The following RASGRP3 variants were observed in gnomAD, a reference collection of about 807,000 sequenced individuals.
RASGRP3 encodes the protein ras guanyl-releasing protein 3.
Under a neutral mutation model 82.7 loss-of-function variants are expected in RASGRP3, and 54 were observed. That is an observed-to-expected ratio of 0.65 (90% CI 0.52 to 0.82). The LOEUF is 0.82. Ranked by LOEUF, RASGRP3 falls within the 40% of genes least tolerant of loss-of-function variation. The pLI, the probability that RASGRP3 is intolerant of heterozygous loss-of-function variation, is 0.00. For synonymous variants in RASGRP3, 309 were observed against 300.5 expected, an observed-to-expected ratio of 1.03 and a Z score of -0.29; for missense variants, 861 against 828.9, an observed-to-expected ratio of 1.04 and a Z score of -0.48.
intron 3 of RASGRP3, 112 bp downstream of exon 3, chr2:33,515,318 T>C: frequency 8.6e-7 from 1 of 1,169,214 alleles, no homozygotes; most frequent in Admixed American, 1.8e-5. Context: ...CCTTGGTATT[T>C]AAGGCCTTTC....
Position 33,523,918 on chromosome 2 carries a change from G to A in RASGRP3, c.556G>A (p.Glu186Lys), listed in dbSNP as rs1672276333. 6.2e-7 allele frequency: 1 copy of A among 1,613,442 alleles called. No individual in the cohort carries two copies. The highest frequency in any genetic ancestry group is 8.5e-7 in the Non-Finnish European group (1 of 1,179,646). ...YQSYVIHGCL[E>K]NNPTLERSIA... ...AAGCTATGTCATCCATGGCTGCCTGGAGAATAATCCAACCTTGGAAAGATC... is the reference window on the plus strand; with the variant it reads ...AAGCTATGTCATCCATGGCTGCCTGAAGAATAATCCAACCTTGGAAAGATC... The change falls in exon 8 of 18, where the codon GAG becomes AAG. Residue 186 changes from glutamate to lysine, a missense_variant. By Grantham distance (56) the Glu-to-Lys change is moderately conservative. Transcript: ENST00000403687.
At chr2:33,495,352 A>G (rs1226964453) in intron 1 of RASGRP3, among the ~76,000 whole-genome samples, 1 of 152,162 alleles carries the variant, frequency 6.6e-6, no homozygotes, top group Non-Finnish European at 1.5e-5. Context: ...GGAGCATATA[A>G]CTTAGATTCA....
intron 2 of RASGRP3, among the ~76,000 whole-genome samples, chr2:33,454,053 A>G (rs2150888600): frequency 6.6e-6 from 1 of 152,236 alleles, no homozygotes; most frequent in South Asian, 2.1e-4. Context: ...TTTAAGTAAA[A>G]GTTATTTTTT....
At chr2:33,529,795 T>C (rs550865217) in intron 10 of RASGRP3, among the ~76,000 whole-genome samples, 3 of 152,216 alleles carry the variant, frequency 2.0e-5, no homozygotes, top group African/African-American at 7.2e-5. Flanking sequence ...TGTGAGGTCT[T>C]TTCCAGCTCT....
intron 1 of RASGRP3, chr2:33,447,807 C>A (rs931962541): frequency 6.6e-6 from 1 of 152,168 alleles, no homozygotes; most frequent in African/African-American, 2.4e-5. Flanking sequence ...CTCTCAATTT[C>A]TTTTGTTTCT....
intron 2 of RASGRP3, among the ~76,000 whole-genome samples, chr2:33,453,053 T>A (rs1442279990): frequency 2.0e-5 from 3 of 152,154 alleles, no homozygotes; most frequent in Non-Finnish European, 1.5e-5. Context: ...TGTGCACCCC[T>A]TGGGGGAGGG....
At chr2:33,475,150 T>C (rs1667281668), upstream of RASGRP3, among the ~76,000 whole-genome samples, 1 of 152,394 alleles carries the variant, frequency 6.6e-6, no homozygotes, top group South Asian at 2.1e-4. Flanking sequence ...AATGTGTATT[T>C]TATGCATTGC....
chr2:33,439,187 C>G (rs914105956), intron 1 of RASGRP3, among the ~76,000 whole-genome samples: 2 of 152,128 alleles, frequency 1.3e-5, no homozygotes, highest in African/African-American at 4.8e-5. Flanking sequence ...TTCTAACTTA[C>G]AATATAATCT....
chr2:33,497,249 T>C (rs1669411666), intron 1 of RASGRP3, among the ~76,000 whole-genome samples: 1 of 152,340 alleles, frequency 6.6e-6, no homozygotes, highest in East Asian at 1.9e-4. Flanking sequence ...ACATGCTCTG[T>C]TTCCTGAACT....
chr2:33,481,576 G>T (rs1207733344), intron 1 of RASGRP3: 2 of 152,184 alleles, frequency 1.3e-5, no homozygotes, highest in Non-Finnish European at 2.9e-5. Flanking sequence ...ATTCTCTTCA[G>T]ATAGGCAAAG....
intron 1 of RASGRP3, among the ~76,000 whole-genome samples, chr2:33,437,827 TAAA>T (rs371168349): frequency 6.9e-6 from 1 of 145,966 alleles, no homozygotes; most frequent in Admixed American, 6.8e-5. Context: ...CTTAAGTGGT[TAAA>T]AAAAAAAAGA....
intron 1 of RASGRP3, among the ~76,000 whole-genome samples, chr2:33,440,999 C>T (rs919859341): frequency 5.9e-5 from 9 of 152,078 alleles, no homozygotes; most frequent in Admixed American, 2.6e-4. Context: ...CTCAAGTGAT[C>T]CTTGTGCCTC....
chr2:33,523,747 C>T, intron 7 of RASGRP3, 132 bp from the exon 8 acceptor site: 1 of 962,870 alleles, frequency 1.0e-6, no homozygotes, highest in Non-Finnish European at 1.5e-6. Flanking sequence ...TTTTAGGATG[C>T]CATTGTAAAT....
At position 33,520,584 on chromosome 2, in the gene RASGRP3, A is replaced by T; in HGVS notation, c.268A>T (p.Asn90Tyr). Residue 90 changes from asparagine to tyrosine, a missense_variant, in exon 6 of 18, where the codon AAT becomes TAT. Asn to Tyr is a moderately radical substitution (Grantham distance 143, BLOSUM62 -2). Coordinates refer to ENST00000403687, the MANE Select transcript of RASGRP3 (RefSeq NM_001139488.2). ...GATTCTGAAGTTTCCTGCAGAGTTT[A>T]ATTTGGATCTTGGTTTGATTCGTAT... ...YWILKFPAEF[N>Y]LDLGLIRMTE... 1 of 1,614,000 alleles carries T rather than the reference A, an allele frequency of 6.2e-7. No homozygotes were observed. The highest frequency in any genetic ancestry group is 8.5e-7 in the Non-Finnish European group (1 of 1,179,880).
intron 2 of RASGRP3, among the ~76,000 whole-genome samples, chr2:33,462,056 G>T (rs1353097917): frequency 6.6e-6 from 1 of 152,206 alleles, no homozygotes; most frequent in Non-Finnish European, 1.5e-5. Context: ...CTGGAACATT[G>T]ACATTGTTTA....
At chr2:33,494,136 G>T (rs1352184991) in intron 1 of RASGRP3, among the ~76,000 whole-genome samples, 1 of 152,110 alleles carries the variant, frequency 6.6e-6, no homozygotes, top group Non-Finnish European at 1.5e-5. Context: ...CTCCTTTATA[G>T]AATGAGGTAG....
chr2:33,447,718 C>T (rs112812089), intron 1 of RASGRP3: 45 of 152,418 alleles, frequency 3.0e-4, no homozygotes, highest in African/African-American at 8.7e-4. Context: ...AGCCACCGCA[C>T]CCGGCCCATG....
chr2:33,467,455 A>T (rs1470804085), intron 2 of RASGRP3, among the ~76,000 whole-genome samples: 1 of 152,216 alleles, frequency 6.6e-6, no homozygotes, highest in African/African-American at 2.4e-5. Flanking sequence ...CAAGTGTTGT[A>T]AGAAAAAAAG....
Position 33,541,384 on chromosome 2 carries a change from A to G in RASGRP3, c.1279-2128A>G, listed in dbSNP as rs1229654880. 1.4e-5 allele frequency among the ~76,000 whole-genome samples: 2 copies of G among 146,948 alleles called. 1 individual carries two copies. Among genetic ancestry groups the G allele is most frequent in the Non-Finnish European group, 3.0e-5 (2 of 65,674 alleles). ...ATACTACATACATATATACATGTGTATCTTACGCAACTTTGTTCGATTATT... is the reference window on the plus strand; with the variant it reads ...ATACTACATACATATATACATGTGTGTCTTACGCAACTTTGTTCGATTATT... On this transcript the variant is annotated intron_variant, in intron 12 of 17. Coordinates refer to ENST00000403687, the MANE Select transcript of RASGRP3 (RefSeq NM_001139488.2).
Sources: allele counts gnomAD v4.1 joint callset (sites outside exome capture counted in the v4.1 genomes callset), GRCh38; gene constraint gnomAD v4.1.1; transcripts MANE v1.5; gene names NCBI Gene and HGNC (gene_info 2026-07-23, HGNC 2026-07-21).